Variants in TRANK1 observed in about 807,000 individuals in gnomAD.
TRANK1 encodes TPR and ankyrin repeat-containing protein 1.
In TRANK1, 198 loss-of-function variants were observed where a neutral mutation model predicts 266.0. The observed-to-expected ratio is 0.74, with a 90% CI of 0.66 to 0.84. The LOEUF is 0.84. Among genes scored for constraint, TRANK1 ranks in the 40% least tolerant of loss-of-function variants. The pLI is 0.00. For synonymous variants in TRANK1, 1,396 were observed against 1,384.1 expected, an observed-to-expected ratio of 1.01 and a Z score of -0.19; for missense variants, 3,326 against 3,634.6, an observed-to-expected ratio of 0.92 and a Z score of 2.18.
intron 9 of TRANK1, among the ~76,000 whole-genome samples, chr3:36,865,033 T>C (rs962918705): frequency 6.9e-6 from 1 of 145,734 alleles, no homozygotes; most frequent in East Asian, 2.0e-4. Context: ...GGTTTTTTTT[T>C]TTTTTTTTTT....
intron 2 of TRANK1, among the ~76,000 whole-genome samples, chr3:36,907,534 G>C (rs11928883): frequency 7.0e-6 from 1 of 142,948 alleles, no homozygotes; most frequent in African/African-American, 2.6e-5. Flanking sequence ...GCGTAATCTC[G>C]GCTCACTGCA....
intron 15 of TRANK1, among the ~76,000 whole-genome samples, chr3:36,847,869 G>A (rs986642231): frequency 6.6e-6 from 1 of 152,102 alleles, no homozygotes; most frequent in Non-Finnish European, 1.5e-5. Flanking sequence ...ATGCAACCTC[G>A]AACACATTGT....
Position 36,827,937 on chromosome 3 carries a change from C to A in TRANK1, c.*338G>T. ...GTCTGTCCTAACACCTAGTCCTCTG[C>A]TACCAACTCATGTCATGATGGGGAT... On this transcript the variant is annotated 3_prime_UTR_variant, in exon 24 of 24. Coordinates refer to ENST00000645898, the MANE Select transcript of TRANK1 (RefSeq NM_001329998.2). 1 of 235,818 alleles carries A rather than the reference C, an allele frequency of 4.2e-6. No homozygotes were observed. Among genetic ancestry groups the A allele is most frequent in the South Asian group, 6.5e-5 (1 of 15,464 alleles). 14.6% of individuals were successfully genotyped at this position (235,818 alleles called of 1,614,324 possible). A position where few individuals can be genotyped will look rare whatever the true frequency, so the allele number is the denominator to read the frequency against.
chr3:36,899,038 C>T, intron 4 of TRANK1, 71 bp downstream of exon 4: 1 of 1,479,284 alleles, frequency 6.8e-7, no homozygotes, highest in Non-Finnish European at 9.1e-7. Context: ...TCCCCATGAG[C>T]CTGAGTCCCC....
intron 1 of TRANK1, among the ~76,000 whole-genome samples, chr3:36,943,726 A>C (rs2080530280): frequency 2.0e-5 from 3 of 151,774 alleles, no homozygotes; most frequent in African/African-American, 7.3e-5. Context: ...AACGCTCAGC[A>C]CGAGGGAGCA....
chr3:36,903,091 T>C, intron 3 of TRANK1, 58 bp downstream of exon 3: 3 of 1,499,984 alleles, frequency 2.0e-6, no homozygotes, highest in Non-Finnish European at 2.7e-6. Flanking sequence ...CATACCTTCA[T>C]CCACCACCCC....
chr3:36,862,133 T>C (rs1335056071), intron 10 of TRANK1, among the ~76,000 whole-genome samples: 1 of 152,194 alleles, frequency 6.6e-6, no homozygotes, highest in Non-Finnish European at 1.5e-5. Flanking sequence ...AGTATATATA[T>C]GCAATATTTA....
At chr3:36,843,234 G>A (rs1484778572) in intron 17 of TRANK1, among the ~76,000 whole-genome samples, 1 of 152,110 alleles carries the variant, frequency 6.6e-6, no homozygotes, top group Admixed American at 6.5e-5. Flanking sequence ...CCACATTTGT[G>A]AGGTTATTGA....
At chr3:36,859,171 C>G (rs944230397) in intron 11 of TRANK1, among the ~76,000 whole-genome samples, 1 of 152,158 alleles carries the variant, frequency 6.6e-6, no homozygotes, top group African/African-American at 2.4e-5. Context: ...TTCCCACTGT[C>G]CTGGCATGAG....
chr3:36,890,698 A>G (rs1050456568), intron 7 of TRANK1, among the ~76,000 whole-genome samples: 15 of 152,298 alleles, frequency 9.8e-5, no homozygotes, highest in African/African-American at 3.6e-4. Context: ...AATAAGACAT[A>G]TATATTGAAT....
intron 2 of TRANK1, among the ~76,000 whole-genome samples, chr3:36,904,368 A>C (rs1232572433): frequency 3.3e-5 from 5 of 151,914 alleles, no homozygotes; most frequent in East Asian, 2.0e-4. Context: ...AAATACAAAA[A>C]AATTATCTGG....
In TRANK1 at chr3:36,874,154, C is replaced by A; in HGVS notation, c.1050G>T (p.Lys350Asn). 1 of 1,537,410 alleles carries A rather than the reference C, an allele frequency of 6.5e-7. No individual in the cohort carries two copies. Among genetic ancestry groups the A allele is most frequent in the Middle Eastern group, 1.7e-4 (1 of 5,990 alleles). ...AIEKINSHLE[K>N]LATCSKDLSG... ...ATAGGTCCTTAGAACACGTAGCTAGCTTTTCTAAGTGACTGTTGATTTTCT... is the reference window on the plus strand; with the variant it reads ...ATAGGTCCTTAGAACACGTAGCTAGATTTTCTAAGTGACTGTTGATTTTCT... Residue 350 changes from lysine to asparagine, a missense_variant, in exon 9 of 24, where the codon AAG (lysine) becomes AAT (asparagine). By Grantham distance (94) the Lys-to-Asn change is moderately conservative (BLOSUM62 0). Transcript: ENST00000645898.
At chr3:36,842,968 C>T (rs965367939) in intron 17 of TRANK1, among the ~76,000 whole-genome samples, 12 of 152,178 alleles carry the variant, frequency 7.9e-5, no homozygotes, top group Non-Finnish European at 4.4e-5. Flanking sequence ...CACGGGGCGA[C>T]CCCAGGGGCA....
chr3:36,858,023 G>A lies in TRANK1; in HGVS notation c.1699C>T (p.His567Tyr). ...KADIGFSFLS[H>Y]LLDLFWSNPT... ...TTGGACCAAAACAGATCCAACAGAT[G>A]GCTGAGGAAGCTAAAACCAATGTCA... Residue 567 changes from histidine to tyrosine, a missense_variant, in exon 13 of 24, where the codon CAT becomes TAT. His to Tyr is a moderately conservative substitution (Grantham distance 83). Coordinates refer to ENST00000645898, the MANE Select transcript of TRANK1 (RefSeq NM_001329998.2). The A allele has an allele frequency of 6.3e-7, 1 of 1,574,976 alleles. No individual in the cohort carries two copies. The highest frequency in any genetic ancestry group is 8.6e-7 in the Non-Finnish European group (1 of 1,166,736).
intron 18 of TRANK1, among the ~76,000 whole-genome samples, chr3:36,840,478 T>C (rs930316770): frequency 6.6e-6 from 1 of 152,302 alleles, no homozygotes; most frequent in African/African-American, 2.4e-5. Flanking sequence ...CCTGTATCTG[T>C]CCACACCCCC....
At position 36,827,368 on chromosome 3, in the gene TRANK1, C is replaced by A; in HGVS notation, c.*907G>T. 6.6e-6 allele frequency: 1 copy of A among 152,448 alleles called. No homozygotes were observed. The allele number at this position is 152,448 out of a possible 1,614,324, so 9.4% of individuals were successfully genotyped here. On this transcript the variant is annotated 3_prime_UTR_variant, in exon 24 of 24. Transcript: ENST00000645898. Reference sequence around the variant, plus strand: ...CACCATCCCACAGTGATGAGCTCAGCAAGCAGAGACTCATCAGAACGTCAG... The same window carrying A: ...CACCATCCCACAGTGATGAGCTCAGAAAGCAGAGACTCATCAGAACGTCAG...
chr3:36,916,253 T>C (rs1348701354), intron 1 of TRANK1, among the ~76,000 whole-genome samples: 3 of 151,654 alleles, frequency 2.0e-5, no homozygotes, highest in African/African-American at 7.3e-5. Context: ...CACTAGAGGG[T>C]TTTAGGTTGC....
In TRANK1 at chr3:36,839,066, T is replaced by G. The variant is rs2078808723; in HGVS notation, c.5281-350A>C. On this transcript the variant is annotated intron_variant, in intron 18 of 23. Transcript: ENST00000645898. ...TAGTTGCTACTTCAGGTCAGAGCCA[T>G]GGAGCAACTGGCCCAAAGTTACCCA... Among the ~76,000 whole-genome samples the G allele has an allele frequency of 2.6e-5, 4 of 152,200 alleles. No individual in the cohort carries two copies. In the South Asian group the frequency reaches 8.3e-4, roughly 32 times the overall value.
chr3:36,899,968 T>C (rs1440816040), intron 3 of TRANK1, among the ~76,000 whole-genome samples: 1 of 152,164 alleles, frequency 6.6e-6, no homozygotes, highest in African/African-American at 2.4e-5. Flanking sequence ...CAAACTAACC[T>C]CTCATCATAG....
Sources: gnomAD v4.1 joint callset for allele counts (sites outside exome capture counted in the v4.1 genomes callset) on GRCh38, gnomAD v4.1.1 for gene constraint, MANE v1.5 for transcripts, NCBI Gene and HGNC (gene_info 2026-07-23, HGNC 2026-07-21) for gene names.